The following CORIN variants were observed in gnomAD, a reference collection of about 807,000 sequenced individuals.
CORIN encodes atrial natriuretic peptide-converting enzyme.
A neutral mutation model predicts 125.3 loss-of-function variants in CORIN; 117 were observed. The observed-to-expected ratio is 0.93, with a 90% CI of 0.80 to 1.09. CORIN has a LOEUF of 1.09. Ranked by LOEUF, CORIN falls within the 50% of genes least tolerant of loss-of-function variation. The probability of loss-of-function intolerance (pLI) is 0.00; values close to 1 mark genes in which losing one functional copy is unlikely to be tolerated. For missense variants in CORIN, 1,253 were observed against 1,306.7 expected, an observed-to-expected ratio of 0.96 and a Z score of 0.63; for synonymous variants, 450 against 466.4, an observed-to-expected ratio of 0.96 and a Z score of 0.45.
chr4:47,759,964 C>G (rs192351139), intron 4 of CORIN, among the ~76,000 whole-genome samples: 1 of 152,284 alleles, frequency 6.6e-6, no homozygotes, highest in East Asian at 1.9e-4. Flanking sequence ...GAATCAAGTT[C>G]TTCCAAATTC....
At chr4:47,645,333 T>C in intron 13 of CORIN, 139 bp from the exon 14 acceptor site, 1 of 533,376 alleles carries the variant, frequency 1.9e-6, no homozygotes. Context: ...CCCAGCACTT[T>C]GGGAGGCTGA....
At chr4:47,618,332 C>CCA (rs1722149492) in intron 19 of CORIN, among the ~76,000 whole-genome samples, 1 of 108,194 alleles carries the variant, frequency 9.2e-6, no homozygotes, top group Non-Finnish European at 1.9e-5. Context: ...GAAACTCCAT[C>CCA]AAAAAAAAAA....
At chr4:47,828,029 AT>A (rs1732816068) in intron 1 of CORIN, among the ~76,000 whole-genome samples, 1 of 152,134 alleles carries the variant, frequency 6.6e-6, no homozygotes, top group Non-Finnish European at 1.5e-5. Context: ...TGAACAGGCA[AT>A]TTTTCACTTT....
In CORIN at chr4:47,623,912, CAGAAG is replaced by C. The variant is rs755154812; in HGVS notation, c.2347_2351del (p.Leu783ValfsTer3). Reference sequence around the variant, plus strand: ...TAATTCTCTCACCTTGTTTAGTACACAGAAGAGAAATTTTACTTCTGCTCTCACAA... The same window carrying C: ...TAATTCTCTCACCTTGTTTAGTACACAGAAATTTTACTTCTGCTCTCACAA... On this transcript the variant is annotated frameshift_variant, in exon 18 of 22. Transcript: ENST00000273857. LOFTEE classifies it high-confidence loss of function. 1.9e-6 allele frequency: 3 copies of C among 1,613,892 alleles called. No homozygotes were observed. The highest frequency in any genetic ancestry group is 2.2e-5 in the East Asian group (1 of 44,884).
At chr4:47,817,923 T>C (rs1056038740) in intron 1 of CORIN, among the ~76,000 whole-genome samples, 27 of 152,168 alleles carry the variant, frequency 1.8e-4, no homozygotes, top group African/African-American at 6.0e-4. Context: ...GATTTACCCT[T>C]CTACAGCTGG....
In CORIN at chr4:47,729,883, C is replaced by T. The variant is rs558108274; in HGVS notation, c.799+14519G>A. Reference sequence around the variant, plus strand: ...AAGAGAGAAGAGAGAGGTTCGGCCACAGAGGGGAGTTCAGCGGAGAAGTCT... The same window carrying T: ...AAGAGAGAAGAGAGAGGTTCGGCCATAGAGGGGAGTTCAGCGGAGAAGTCT... On this transcript the variant is annotated intron_variant, in intron 5 of 21. Coordinates refer to ENST00000273857, the MANE Select transcript of CORIN (RefSeq NM_006587.4). Among the ~76,000 whole-genome samples the T allele has an allele frequency of 3.3e-5, 5 of 152,306 alleles. No individual in the cohort carries two copies. The South Asian group carries it at 1.0e-3, about 32-fold the overall frequency.
intron 19 of CORIN, among the ~76,000 whole-genome samples, chr4:47,620,963 G>A (rs901769275): frequency 2.0e-5 from 3 of 152,132 alleles, no homozygotes; most frequent in Non-Finnish European, 4.4e-5. Context: ...AAACTAATCA[G>A]ATCAAATGAA....
chr4:47,724,730 C>G lies in CORIN; in HGVS notation c.799+19672G>C, dbSNP rs1301152001. On this transcript the variant is annotated intron_variant, in intron 5 of 21. Transcript: ENST00000273857. ...AACTACGTGATCATGCCAACTCATA[C>G]AGAAAAAGCATTTGATAAAATTCAA... Among the ~76,000 whole-genome samples, 6 of 152,282 alleles carry G rather than the reference C, an allele frequency of 3.9e-5. No homozygotes were observed. In the East Asian group the frequency reaches 1.2e-3, roughly 29 times the overall value.
intron 4 of CORIN, among the ~76,000 whole-genome samples, chr4:47,762,765 T>C (rs553455252): frequency 6.6e-6 from 1 of 152,312 alleles, no homozygotes; most frequent in Non-Finnish European, 1.5e-5. Context: ...GATGAGTTCA[T>C]TTGATGAGAG....
rs1017156293 is a variant in CORIN at position 47,645,264 on chromosome 4, A to C, written c.1844-70T>G. The C allele has an allele frequency of 1.4e-5, 14 of 1,002,238 alleles. No individual in the cohort carries two copies. The African/African-American group carries it at 1.9e-4, about 14-fold the overall frequency. 62.1% of individuals were successfully genotyped at this position (1,002,238 alleles called of 1,614,324 possible). ...AAATAATGATAAATTCAATCAATGT[A>C]GAAAAATTACGCTATAAAGGCATGA... On this transcript the variant is annotated intron_variant, in intron 13 of 21. Transcript: ENST00000273857.
At chr4:47,610,992 C>G (rs1245967623) in intron 19 of CORIN, among the ~76,000 whole-genome samples, 1 of 152,048 alleles carries the variant, frequency 6.6e-6, no homozygotes. Flanking sequence ...TTTTTGGTTA[C>G]TGTAGTCTTG....
intron 16 of CORIN, among the ~76,000 whole-genome samples, chr4:47,634,320 G>A (rs913993251): frequency 2.0e-5 from 3 of 152,158 alleles, no homozygotes; most frequent in Non-Finnish European, 4.4e-5. Flanking sequence ...AAAGAAAGAA[G>A]TCATCTCTCC....
intron 2 of CORIN, among the ~76,000 whole-genome samples, chr4:47,796,943 T>C (rs1203240221): frequency 6.6e-6 from 1 of 151,994 alleles, no homozygotes; most frequent in Non-Finnish European, 1.5e-5. Flanking sequence ...TCTTCCCACA[T>C]AGCAGTAAAC....
chr4:47,832,652 G>T (rs1256916224), intron 1 of CORIN, among the ~76,000 whole-genome samples: 1 of 151,804 alleles, frequency 6.6e-6, no homozygotes, highest in East Asian at 1.9e-4. Flanking sequence ...TTGCCATGTT[G>T]GCCAAGCTGG....
chr4:47,778,174 T>C (rs542252648), intron 3 of CORIN, among the ~76,000 whole-genome samples: 2 of 152,326 alleles, frequency 1.3e-5, no homozygotes, highest in African/African-American at 4.8e-5. Flanking sequence ...AAGAGGAAAT[T>C]GTGATAATGA....
chr4:47,715,823 C>G (rs147814277), intron 5 of CORIN, among the ~76,000 whole-genome samples: 1 of 152,034 alleles, frequency 6.6e-6, no homozygotes, highest in Non-Finnish European at 1.5e-5. Context: ...GAAGAAATAC[C>G]TATGCTGCAA....
intron 12 of CORIN, among the ~76,000 whole-genome samples, chr4:47,658,284 C>T: frequency 6.6e-6 from 1 of 152,240 alleles, no homozygotes; most frequent in East Asian, 1.9e-4. Context: ...ATCCTGCATA[C>T]AGGGCACACT....
At chr4:47,702,662 T>G (rs1375681699) in intron 5 of CORIN, among the ~76,000 whole-genome samples, 2 of 152,200 alleles carry the variant, frequency 1.3e-5, no homozygotes, top group East Asian at 1.9e-4. Flanking sequence ...ATTGGCTATT[T>G]AAAAGCTAAA....
At chr4:47,668,065 G>A (rs758192626) in intron 10 of CORIN, among the ~76,000 whole-genome samples, 76 of 152,172 alleles carry the variant, frequency 5.0e-4, no homozygotes, top group Non-Finnish European at 1.5e-4. Context: ...CTGCAGCCCA[G>A]AGAGGGTCCT....
Sources: allele counts gnomAD v4.1 joint callset (sites outside exome capture counted in the v4.1 genomes callset), GRCh38; gene constraint gnomAD v4.1.1; transcripts MANE v1.5; gene names NCBI Gene and HGNC (gene_info 2026-07-23, HGNC 2026-07-21).